Variants in CLIP2 observed in about 807,000 individuals in gnomAD.
CLIP2 encodes the protein CAP-Gly domain containing linker protein 2, also known as CAP-Gly domain-containing linker protein 2.
CLIP2 carries 41 observed loss-of-function variants against 111.7 expected under a neutral mutation model. The observed-to-expected ratio is 0.37, with a 90% CI of 0.29 to 0.48. CLIP2 has a LOEUF of 0.48. Ranked by LOEUF, CLIP2 falls within the 20% of genes least tolerant of loss-of-function variation. CLIP2 has a pLI of 0.99. For missense variants in CLIP2, 1,160 were observed against 1,422.1 expected, an observed-to-expected ratio of 0.82 and a Z score of 2.96; for synonymous variants, 660 against 644.2, an observed-to-expected ratio of 1.02 and a Z score of -0.37.
At position 74,362,440 on chromosome 7, in the gene CLIP2, C is replaced by T. The variant is rs142694306; in HGVS notation, c.1320-1815C>T. On this transcript the variant is annotated intron_variant, in intron 7 of 16. Coordinates refer to ENST00000223398, the MANE Select transcript of CLIP2 (RefSeq NM_003388.5). ...GAGATGAGGGTGTATTTATATTTGC[C>T]TGAGACAGCCATAGTGGCCTACACA... 8.4e-3 allele frequency among the ~76,000 whole-genome samples: 1,279 copies of T among 152,056 alleles called. 9 individuals carry two copies. The highest frequency in any genetic ancestry group is 0.014 in the Middle Eastern group (4 of 294).
intron 3 of CLIP2, among the ~76,000 whole-genome samples, chr7:74,346,544 A>G (rs496688): frequency 0.61 from 92,843 of 151,564 alleles, 30,340 homozygotes; most frequent in Middle Eastern, 0.74. Context: ...CCAACATGAC[A>G]AAACCCCGTC....
At position 74,389,267 on chromosome 7, in the gene CLIP2, G is replaced by C. The variant is rs557058121; in HGVS notation, c.2720+8G>C. ...GCTGCTGCGGAAGGAGCGGTGAGGC[G>C]GCCGTGGGGCCGGCTGGGTCCTCCC... On this transcript the variant is annotated splice_region_variant and intron_variant, in intron 13 of 16. Transcript: ENST00000223398. 1 of 1,570,306 alleles carries C rather than the reference G, an allele frequency of 6.4e-7. No individual in the cohort carries two copies.
intron 3 of CLIP2, among the ~76,000 whole-genome samples, chr7:74,339,598 G>A (rs530789164): frequency 1.2e-4 from 19 of 152,218 alleles, no homozygotes; most frequent in Admixed American, 3.9e-4. Flanking sequence ...GAGCCCCAGC[G>A]CCCTACCAAA....
rs186385873 is a variant in CLIP2, at chr7:74,294,066, G to A, written c.-68+4332G>A. On this transcript the variant is annotated intron_variant, in intron 1 of 16. Transcript: ENST00000223398. ...TGAGTAGCTGGGATTACAGGCACGC[G>A]CCACCACGCCTGGCTAATTTTTGTA... Among the ~76,000 whole-genome samples the A allele has an allele frequency of 2.7e-3, 408 of 152,208 alleles. 2 individuals are homozygous for A. The highest frequency in any genetic ancestry group is 3.9e-3 in the Non-Finnish European group (263 of 68,006).
intron 14 of CLIP2, 106 bp downstream of exon 14, chr7:74,397,339 A>C (rs1168834462): frequency 3.6e-5 from 43 of 1,197,646 alleles, no homozygotes; most frequent in Non-Finnish European, 3.9e-5. Context: ...GAATGACCCC[A>C]GGGACAGCTG....
At position 74,364,288 on chromosome 7, in the gene CLIP2, G is replaced by A. The variant is rs1401672893; in HGVS notation, c.1353G>A (p.Glu451=). 8 of 1,613,780 alleles carry A rather than the reference G, an allele frequency of 5.0e-6. No individual in the cohort carries two copies. Among genetic ancestry groups the A allele is most frequent in the Non-Finnish European group, 6.8e-6 (8 of 1,179,874 alleles). The change falls in exon 8 of 17, where the codon GAG becomes GAA. Residue 451 remains glutamate (E), a synonymous_variant. Transcript: ENST00000223398. Reference sequence around the variant, plus strand: ...AGGATCTGCAGTTCCGCGTGGAGGAGGAGTCCATCACCAAGGGAGACCTGG... The same window carrying A: ...AGGATCTGCAGTTCCGCGTGGAGGAAGAGTCCATCACCAAGGGAGACCTGG... The part of the protein sequence containing the change: ...KVEDLQFRVE[E]ESITKGDLET...
At chr7:74,381,337 C>T (rs1790940372) in intron 11 of CLIP2, among the ~76,000 whole-genome samples, 1 of 151,962 alleles carries the variant, frequency 6.6e-6, no homozygotes, top group Admixed American at 6.6e-5. Context: ...TACAGGCATG[C>T]ACCACCATGC....
At chr7:74,337,917 C>T (rs1229385958) in intron 2 of CLIP2, among the ~76,000 whole-genome samples, 2 of 152,098 alleles carry the variant, frequency 1.3e-5, no homozygotes, top group Admixed American at 6.6e-5. Flanking sequence ...CTTCTGAGGG[C>T]GTACTTTCCT....
At chr7:74,368,174 C>T (rs144846789) in intron 8 of CLIP2, among the ~76,000 whole-genome samples, 2 of 151,794 alleles carry the variant, frequency 1.3e-5, no homozygotes, top group South Asian at 2.1e-4. Flanking sequence ...GATCACACCA[C>T]TGTACTCCAG....
intron 11 of CLIP2, among the ~76,000 whole-genome samples, chr7:74,381,942 C>T (rs1350938246): frequency 1.5e-4 from 23 of 152,202 alleles, no homozygotes; most frequent in Admixed American, 1.4e-3. Context: ...TTCCCACCAG[C>T]TGTGGTTGAA....
At chr7:74,378,595 G>C (rs1584377169) in intron 10 of CLIP2, among the ~76,000 whole-genome samples, 1 of 152,146 alleles carries the variant, frequency 6.6e-6, no homozygotes, top group Non-Finnish European at 1.5e-5. Flanking sequence ...AAAATTAGCC[G>C]AGTACAGTGG....
In CLIP2 at chr7:74,346,732, A is replaced by AAC. The variant is rs201920336; in HGVS notation, c.679-7147_679-7146insCA. On this transcript the variant is annotated intron_variant, in intron 3 of 16. Coordinates refer to ENST00000223398, the MANE Select transcript of CLIP2 (RefSeq NM_003388.5). ...AGTAAGATTCTCAAAAAAAAAAAAA[A>AAC]AAAAAAAAAACAAAACACTGGCCAT... is the stretch of plus-strand genomic sequence containing the variant. Among the ~76,000 whole-genome samples the AAC allele has an allele frequency of 3.3e-3, 211 of 64,542 alleles. 1 individual carries two copies. The highest frequency in any genetic ancestry group is 7.1e-3 in the Admixed American group (37 of 5,194). 42.3% of individuals were successfully genotyped at this position (64,542 alleles called of 152,430 possible).
intron 3 of CLIP2, among the ~76,000 whole-genome samples, chr7:74,341,619 G>A (rs570485): frequency 0.61 from 91,577 of 149,698 alleles, 29,975 homozygotes; most frequent in Middle Eastern, 0.74. Flanking sequence ...TTTGAAACAG[G>A]GTCTTGTTCT....
intron 11 of CLIP2, among the ~76,000 whole-genome samples, chr7:74,382,642 C>T (rs1790978701): frequency 6.6e-6 from 1 of 151,662 alleles, no homozygotes; most frequent in Non-Finnish European, 1.5e-5. Flanking sequence ...TGTCTTTTGA[C>T]CATTTTTTTC....
In CLIP2 at chr7:74,386,535, C is replaced by T; in HGVS notation, c.2494C>T (p.Leu832=). 6.2e-7 allele frequency: 1 copy of T among 1,611,586 alleles called. No individual in the cohort carries two copies. The highest frequency in any genetic ancestry group is 8.5e-7 in the Non-Finnish European group (1 of 1,178,848). ...KETVEGLQDK[L]NKRDKEVTAL... is the part of the protein sequence containing the mutation. ...CTCTCCCCTAGGCCTGCAGGACAAGCTGAACAAGAGGGACAAAGAGGTGAC... is the reference window on the plus strand; with the variant it reads ...CTCTCCCCTAGGCCTGCAGGACAAGTTGAACAAGAGGGACAAAGAGGTGAC... The change falls in exon 12 of 17, where the codon CTG becomes TTG. Residue 832 remains leucine (L), a synonymous_variant. Transcript: ENST00000223398.
intron 2 of CLIP2, among the ~76,000 whole-genome samples, chr7:74,331,382 G>T: frequency 6.6e-6 from 1 of 151,608 alleles, no homozygotes; most frequent in East Asian, 1.9e-4. Context: ...AGGGCCTCCT[G>T]AGATATGGAG....
At chr7:74,319,900 T>C (rs992548532) in intron 2 of CLIP2, among the ~76,000 whole-genome samples, 4 of 151,440 alleles carry the variant, frequency 2.6e-5, no homozygotes, top group African/African-American at 7.3e-5. Flanking sequence ...AGGACAGATC[T>C]GAAGGACACA....
intron 15 of CLIP2, among the ~76,000 whole-genome samples, chr7:74,401,053 G>T (rs951844143): frequency 1.1e-4 from 17 of 150,064 alleles, no homozygotes; most frequent in African/African-American, 3.7e-4. Context: ...TCTCTGTCCC[G>T]GGAACCTTGA....
intron 13 of CLIP2, among the ~76,000 whole-genome samples, chr7:74,391,801 T>G (rs1160421306): frequency 6.7e-6 from 1 of 149,982 alleles, no homozygotes; most frequent in African/African-American, 2.5e-5. Context: ...GCCTGGGCAA[T>G]AGAGTGAGAC....
Sources: gnomAD v4.1 joint callset for allele counts (sites outside exome capture counted in the v4.1 genomes callset) on GRCh38, gnomAD v4.1.1 for gene constraint, MANE v1.5 for transcripts, NCBI Gene and HGNC (gene_info 2026-07-23, HGNC 2026-07-21) for gene names.